Variants in DNM3 observed in about 807,000 individuals in gnomAD.
The protein encoded by DNM3 is dynamin-3.
In DNM3, 47 loss-of-function variants were observed where a neutral mutation model predicts 101.6. That is an observed-to-expected ratio of 0.46 (90% CI 0.37 to 0.59). DNM3 has a LOEUF of 0.59. Ranked by LOEUF, DNM3 falls within the 20% of genes least tolerant of loss-of-function variation. The pLI, the probability that DNM3 is intolerant of heterozygous loss-of-function variation, is 0.00. For missense variants in DNM3, 849 were observed against 1,085.7 expected (o/e 0.78, Z 3.06); for synonymous variants, 385 against 387.9 (o/e 0.99, Z 0.09).
intron 14 of DNM3, among the ~76,000 whole-genome samples, chr1:172,203,697 A>T (rs1193976638): frequency 8.0e-6 from 1 of 124,312 alleles, no homozygotes; most frequent in Non-Finnish European, 1.7e-5. Context: ...AAATTACTCT[A>T]TGTGTTAAAA....
At chr1:172,375,052 A>G (rs2068530745) in intron 17 of DNM3, among the ~76,000 whole-genome samples, 1 of 152,066 alleles carries the variant, frequency 6.6e-6, no homozygotes, top group Admixed American at 6.6e-5. Flanking sequence ...TTCCTAAAAT[A>G]TAGATTACTC....
chr1:172,408,999 A>G lies in DNM3; in HGVS notation c.*1158A>G. The G allele has an allele frequency of 2.0e-6, 2 of 985,380 alleles. No individual in the cohort carries two copies. Among genetic ancestry groups the G allele is most frequent in the Non-Finnish European group, 2.4e-6 (2 of 829,884 alleles). 61.0% of individuals were successfully genotyped at this position (985,380 alleles called of 1,614,324 possible). On this transcript the variant is annotated 3_prime_UTR_variant, in exon 21 of 21. Coordinates refer to ENST00000627582, the MANE Select transcript of DNM3 (RefSeq NM_015569.5). ...GTCCCTATCCAGGTCACTCCAGAAA[A>G]GGGTATTGAAACGTTGAAATCTAAA...
intron 14 of DNM3, among the ~76,000 whole-genome samples, chr1:172,203,801 G>C (rs2060234026): frequency 6.6e-6 from 1 of 152,094 alleles, no homozygotes; most frequent in Non-Finnish European, 1.5e-5. Flanking sequence ...CAGCAAAAAG[G>C]CTAAATGTTA....
intron 10 of DNM3, among the ~76,000 whole-genome samples, chr1:172,058,622 A>C (rs1259826421): frequency 6.6e-6 from 1 of 152,224 alleles, no homozygotes; most frequent in Non-Finnish European, 1.5e-5. Flanking sequence ...ATGAAGGCAG[A>C]AATAAAGATG....
intron 11 of DNM3, among the ~76,000 whole-genome samples, chr1:172,073,796 A>T (rs2052412578): frequency 6.6e-6 from 1 of 152,240 alleles, no homozygotes; most frequent in African/African-American, 2.4e-5. Context: ...AAATCTCAGC[A>T]TCCTGGAAAG....
intron 17 of DNM3, among the ~76,000 whole-genome samples, chr1:172,338,565 G>A (rs1046623079): frequency 2.6e-5 from 4 of 151,934 alleles, no homozygotes; most frequent in Non-Finnish European, 5.9e-5. Context: ...CTGATGGTGG[G>A]GAGTCATTCC....
At chr1:172,359,125 AACACACACACACACACACAC>A (rs10683483) in intron 17 of DNM3, among the ~76,000 whole-genome samples, 22,962 of 145,802 alleles carry the variant, frequency 0.16, 2,142 homozygotes, top group Non-Finnish European at 0.21. Context: ...ACTCCCACAA[AACACACACACACACACACAC>A]ACACACACAC....
At chr1:172,136,360 C>G (rs930667810) in intron 14 of DNM3, among the ~76,000 whole-genome samples, 35 of 152,244 alleles carry the variant, frequency 2.3e-4, no homozygotes, top group Admixed American at 2.1e-3. Flanking sequence ...AGCTCTCTTT[C>G]TAGTTTCACT....
intron 11 of DNM3, 70 bp downstream of exon 11, chr1:172,068,975 T>C: frequency 7.3e-7 from 1 of 1,367,236 alleles, no homozygotes; most frequent in East Asian, 2.5e-5. Context: ...GGTTGTCTGG[T>C]AGTTCCCAAC....
intron 14 of DNM3, among the ~76,000 whole-genome samples, chr1:172,144,214 A>G (rs1320504657): frequency 6.6e-6 from 1 of 151,592 alleles, no homozygotes; most frequent in African/African-American, 2.4e-5. Flanking sequence ...GTAAATCGCT[A>G]TATACCACAC....
chr1:172,183,037 T>A (rs1439720313), intron 14 of DNM3, among the ~76,000 whole-genome samples: 2 of 152,086 alleles, frequency 1.3e-5, no homozygotes, highest in Non-Finnish European at 2.9e-5. Context: ...AAAAGGCAAC[T>A]TTTTAACTAA....
chr1:172,089,706 A>G (rs1157512502), intron 12 of DNM3, among the ~76,000 whole-genome samples: 1 of 152,240 alleles, frequency 6.6e-6, no homozygotes, highest in South Asian at 2.1e-4. Context: ...AGATTGGCTT[A>G]TAAAGTAAAT....
chr1:172,097,706 C>G (rs1473465706), intron 13 of DNM3, among the ~76,000 whole-genome samples: 4 of 152,162 alleles, frequency 2.6e-5, no homozygotes, highest in Non-Finnish European at 4.4e-5. Flanking sequence ...GAGTGGTTAT[C>G]ATGGGAAATT....
chr1:172,073,974 C>T (rs577828042), intron 11 of DNM3, among the ~76,000 whole-genome samples: 2 of 152,260 alleles, frequency 1.3e-5, no homozygotes, highest in African/African-American at 4.8e-5. Context: ...CACAGAGGCA[C>T]CTCCCAAGTC....
chr1:172,214,415 G>A (rs1386757942), intron 14 of DNM3, among the ~76,000 whole-genome samples: 2 of 151,776 alleles, frequency 1.3e-5, no homozygotes, highest in Admixed American at 6.6e-5. Flanking sequence ...TGCACGTTGT[G>A]CACATGTACC....
Position 172,236,413 on chromosome 1 carries a change from G to T in DNM3, c.1660-17160G>T, listed in dbSNP as rs186706009. ...AGGGGTGGTATTTCTAGAAAGGCAG[G>T]ATAGCTCTGACCACTTCTAGTTTTA... On this transcript the variant is annotated intron_variant, in intron 14 of 20. Coordinates refer to ENST00000627582, the MANE Select transcript of DNM3 (RefSeq NM_015569.5). Among the ~76,000 whole-genome samples the T allele has an allele frequency of 2.6e-4, 40 of 152,268 alleles. 1 individual carries two copies. In the East Asian group the frequency reaches 6.8e-3, roughly 26 times the overall value.
At chr1:171,918,259 T>C (rs910105409) in intron 1 of DNM3, among the ~76,000 whole-genome samples, 2 of 152,238 alleles carry the variant, frequency 1.3e-5, no homozygotes, top group African/African-American at 4.8e-5. Flanking sequence ...CGGTTGGCGT[T>C]TGTTGCATTT....
chr1:172,269,993 G>A (rs1384890948), intron 15 of DNM3, among the ~76,000 whole-genome samples: 1 of 152,020 alleles, frequency 6.6e-6, no homozygotes, highest in Non-Finnish European at 1.5e-5. Flanking sequence ...AGGAAACTAA[G>A]GGCATGTTTT....
chr1:171,899,550 G>A (rs2038118854), intron 1 of DNM3, among the ~76,000 whole-genome samples: 1 of 152,178 alleles, frequency 6.6e-6, no homozygotes, highest in African/African-American at 2.4e-5. Flanking sequence ...GGGAATCAGG[G>A]AAGATTTCCT....
Sources: gnomAD v4.1 joint callset for allele counts (sites outside exome capture counted in the v4.1 genomes callset) on GRCh38, gnomAD v4.1.1 for gene constraint, MANE v1.5 for transcripts, NCBI Gene and HGNC (gene_info 2026-07-23, HGNC 2026-07-21) for gene names.